Variants in TCF12 observed in about 807,000 individuals in gnomAD.
The protein encoded by TCF12 is transcription factor 12.
TCF12 carries 45 observed loss-of-function variants against 86.0 expected under a neutral mutation model. The ratio of observed to expected loss-of-function variants is 0.52; its 90% confidence interval spans 0.41 to 0.67. The LOEUF (loss-of-function observed/expected upper bound fraction) is 0.67. TCF12 is among the 30% of genes least tolerant of loss of function. The pLI, the probability that TCF12 is intolerant of heterozygous loss-of-function variation, is 0.00. For synonymous variants in TCF12, 330 were observed against 299.6 expected, an observed-to-expected ratio of 1.10 and a Z score of -1.05; for missense variants, 881 against 859.9, an observed-to-expected ratio of 1.02 and a Z score of -0.31.
chr15:57,255,968 G>T (rs1436593854), intron 16 of TCF12, among the ~76,000 whole-genome samples: 1 of 152,194 alleles, frequency 6.6e-6, no homozygotes, highest in Non-Finnish European at 1.5e-5. Flanking sequence ...AGCGGGTACA[G>T]AGCTGTGGAA....
In TCF12 at chr15:57,110,271, A is replaced by C. The variant is rs187968200; in HGVS notation, c.325+18380A>C. Among the ~76,000 whole-genome samples, 619 of 151,162 alleles carry C rather than the reference A, an allele frequency of 4.1e-3. 7 individuals carry two copies. Among genetic ancestry groups the C allele is most frequent in the African/African-American group, 0.014 (585 of 41,116 alleles). ...ATAATATTTGTTCATCTGAGTATTA[A>C]GATTTTTTAGTTTTAGGAGTTCTAT... On this transcript the variant is annotated intron_variant, in intron 5 of 20. Coordinates refer to ENST00000333725, the MANE Select transcript of TCF12 (RefSeq NM_207037.2).
chr15:56,928,621 CTTT>C (rs2060117031), intron 3 of TCF12, among the ~76,000 whole-genome samples: 1 of 152,114 alleles, frequency 6.6e-6, no homozygotes, highest in African/African-American at 2.4e-5. Flanking sequence ...GGAACCTTAA[CTTT>C]TCTTTTTTAG....
chr15:57,025,632 G>T (rs891177783), intron 3 of TCF12, among the ~76,000 whole-genome samples: 1 of 152,094 alleles, frequency 6.6e-6, no homozygotes, highest in Non-Finnish European at 1.5e-5. Context: ...CTTGAAATGC[G>T]CCTGGTCTCC....
chr15:56,949,862 G>T (rs527955760), intron 3 of TCF12, among the ~76,000 whole-genome samples: 8 of 152,308 alleles, frequency 5.3e-5, no homozygotes, highest in Non-Finnish European at 1.2e-4. Context: ...TAGAGAATTG[G>T]TGCATGTTTT....
rs869113042 is a variant in TCF12 at position 57,136,958 on chromosome 15, G to GTTTTTTTTTTTTTTTTTTTTTTTTTTTTT, written c.326-29433_326-29432insTTTTTTTTTTTTTTTTTTTTTTTTTTTTT. On this transcript the variant is annotated intron_variant, in intron 5 of 20. Coordinates refer to ENST00000333725, the MANE Select transcript of TCF12 (RefSeq NM_207037.2). ...TAGACAATAGCCACTGCTTCTGGCA[G>GTTTTTTTTTTTTTTTTTTTTTTTTTTTTT]TTTTTTTTTTTGTTTTTTTTTTTTT... 1.4e-4 allele frequency among the ~76,000 whole-genome samples: 12 copies of GTTTTTTTTTTTTTTTTTTTTTTTTTTTTT among 83,000 alleles called. 6 individuals carry two copies. The highest frequency in any genetic ancestry group is 4.8e-4 in the African/African-American group (10 of 20,770). 54.5% of individuals were successfully genotyped at this position (83,000 alleles called of 152,430 possible).
chr15:57,052,098 A>G (rs1285577114), intron 3 of TCF12, among the ~76,000 whole-genome samples: 1 of 152,230 alleles, frequency 6.6e-6, no homozygotes, highest in East Asian at 1.9e-4. Context: ...ATGAGAGTTC[A>G]GAATTTAGAA....
intron 3 of TCF12, among the ~76,000 whole-genome samples, chr15:56,979,351 C>T (rs1404369687): frequency 6.6e-6 from 1 of 151,960 alleles, no homozygotes; most frequent in Admixed American, 6.6e-5. Context: ...AATATCTCTC[C>T]CATTGACTTT....
intron 5 of TCF12, chr15:57,109,354 C>A (rs1042382444): frequency 2.0e-5 from 3 of 152,026 alleles, no homozygotes; most frequent in Non-Finnish European, 2.9e-5. Context: ...AATGAGACAT[C>A]CGGTCTTTAA....
chr15:57,220,506 T>C (rs906528693), intron 8 of TCF12, among the ~76,000 whole-genome samples: 12 of 152,242 alleles, frequency 7.9e-5, no homozygotes, highest in Admixed American at 3.3e-4. Context: ...TTTAAAAGAA[T>C]GCATTTATAC....
At chr15:57,140,385 A>G (rs1375017411) in intron 5 of TCF12, among the ~76,000 whole-genome samples, 1 of 152,208 alleles carries the variant, frequency 6.6e-6, no homozygotes, top group Admixed American at 6.5e-5. Flanking sequence ...ATAAAGACAG[A>G]TTATCGGGAT....
In TCF12 at chr15:57,103,965, G is replaced by A. The variant is rs966452403; in HGVS notation, c.325+12074G>A. 3.9e-5 allele frequency among the ~76,000 whole-genome samples: 6 copies of A among 152,058 alleles called. No individual in the cohort carries two copies. The South Asian group carries it at 6.2e-4, about 16-fold the overall frequency. ...GGAGGTTGCAGTGAACCAAAATCAC[G>A]CCACTGCATTCCAGCCTGGGTTACA... On this transcript the variant is annotated intron_variant, in intron 5 of 20. Transcript: ENST00000333725.
At position 56,997,858 on chromosome 15, in the gene TCF12, A is replaced by C. The variant is rs540236376; in HGVS notation, c.149-65892A>C. 2.6e-4 allele frequency among the ~76,000 whole-genome samples: 39 copies of C among 152,304 alleles called. 1 individual carries two copies. Among genetic ancestry groups the C allele is most frequent in the Admixed American group, 1.2e-3 (19 of 15,304 alleles). On this transcript the variant is annotated intron_variant, in intron 3 of 20. Transcript: ENST00000333725. ...TATGGTATAGGTGGGTTAAAAGTGAAAAGATGGAAAAAGATATAGCATGCA... is the reference window on the plus strand; with the variant it reads ...TATGGTATAGGTGGGTTAAAAGTGACAAGATGGAAAAAGATATAGCATGCA...
At chr15:56,964,648 C>A (rs2061923482) in intron 3 of TCF12, among the ~76,000 whole-genome samples, 1 of 152,144 alleles carries the variant, frequency 6.6e-6, no homozygotes, top group Admixed American at 6.5e-5. Flanking sequence ...TGTATTAAAT[C>A]ATTTGGAGCT....
At chr15:57,291,289 G>T (rs1327524058), downstream of TCF12, among the ~76,000 whole-genome samples, 1 of 151,998 alleles carries the variant, frequency 6.6e-6, no homozygotes, top group African/African-American at 2.4e-5. Flanking sequence ...TGAATACAAT[G>T]TAAATCCTAT....
At chr15:57,118,224 A>G (rs2050977260) in intron 5 of TCF12, 1 of 152,224 alleles carries the variant, frequency 6.6e-6, no homozygotes, top group South Asian at 2.1e-4. Flanking sequence ...AGCAAACGTC[A>G]ATAACAACCT....
chr15:56,963,579 G>A (rs1249606858), intron 3 of TCF12, among the ~76,000 whole-genome samples: 2 of 152,044 alleles, frequency 1.3e-5, no homozygotes, highest in Admixed American at 1.3e-4. Context: ...GTGAAAAGAG[G>A]GAGCTCTTTG....
chr15:56,926,580 G>A (rs1375154057), intron 3 of TCF12, among the ~76,000 whole-genome samples: 1 of 152,158 alleles, frequency 6.6e-6, no homozygotes, highest in Non-Finnish European at 1.5e-5. Context: ...CATGAGGAGA[G>A]ACCTGGAAAT....
At chr15:56,987,786 C>G (rs1036264609) in intron 3 of TCF12, among the ~76,000 whole-genome samples, 7 of 152,106 alleles carry the variant, frequency 4.6e-5, no homozygotes, top group Non-Finnish European at 1.0e-4. Context: ...AATTTAAATT[C>G]GTGGTTTGGC....
intron 17 of TCF12, 102 bp from the exon 18 acceptor site, chr15:57,263,010 C>A: frequency 8.0e-7 from 1 of 1,242,548 alleles, no homozygotes; most frequent in Non-Finnish European, 1.1e-6. Context: ...AACCCTGTAA[C>A]TGCTAAGGAT....
Sources: gnomAD v4.1 joint callset for allele counts (sites outside exome capture counted in the v4.1 genomes callset) on GRCh38, gnomAD v4.1.1 for gene constraint, MANE v1.5 for transcripts, NCBI Gene and HGNC (gene_info 2026-07-23, HGNC 2026-07-21) for gene names.